Variants in NEBL observed in about 807,000 individuals in gnomAD.
NEBL encodes nebulette, also known as LIM and SH3 protein 2.
In NEBL, 122 loss-of-function variants were observed where a neutral mutation model predicts 140.2. The observed-to-expected ratio is 0.87, with a 90% CI of 0.75 to 1.01. The LOEUF is 1.01. Among genes scored for constraint, NEBL ranks in the 50% least tolerant of loss-of-function variants. The pLI is 0.00. For synonymous variants in NEBL, 436 were observed against 398.9 expected, an observed-to-expected ratio of 1.09 and a Z score of -1.11; for missense variants, 1,365 against 1,231.3, an observed-to-expected ratio of 1.11 and a Z score of -1.62.
intron 26 of NEBL, among the ~76,000 whole-genome samples, chr10:20,788,818 A>C (rs531330018): frequency 8.5e-5 from 13 of 152,332 alleles, no homozygotes; most frequent in African/African-American, 3.1e-4. Context: ...AAAAAGAATG[A>C]AATTCCCATA....
intron 11 of NEBL, among the ~76,000 whole-genome samples, chr10:20,847,646 G>C (rs1842072843): frequency 6.6e-6 from 1 of 152,088 alleles, no homozygotes. Flanking sequence ...AAAGGGGCAG[G>C]GGAGGAAACT....
chr10:20,912,789 G>C (rs1038990652), intron 4 of NEBL, among the ~76,000 whole-genome samples: 3 of 151,452 alleles, frequency 2.0e-5, no homozygotes, highest in Admixed American at 2.0e-4. Flanking sequence ...ATTTGAAGCT[G>C]TCTGCATTCT....
At chr10:21,088,975 T>G (rs1197550768) in intron 2 of NEBL, among the ~76,000 whole-genome samples, 1 of 151,914 alleles carries the variant, frequency 6.6e-6, no homozygotes, top group Admixed American at 6.6e-5. Context: ...GCAGCACAGG[T>G]GAAGCTCTAG....
At chr10:21,073,326 A>G (rs1835904104) in intron 2 of NEBL, among the ~76,000 whole-genome samples, 3 of 151,654 alleles carry the variant, frequency 2.0e-5, no homozygotes, top group Admixed American at 2.0e-4. Context: ...CTGTCTCAAA[A>G]AAAAAAAAAG....
chr10:21,286,840 GAA>G (rs1333179464), intron 1 of NEBL, among the ~76,000 whole-genome samples: 4 of 131,532 alleles, frequency 3.0e-5, no homozygotes, highest in Admixed American at 7.7e-5. Flanking sequence ...ATCCATCTCA[GAA>G]AAAAAAAAAA....
Position 20,952,904 on chromosome 10 carries a change from C to CAAAAAAAAAAAAAAAAAAAAAAAAAAAAA in NEBL, c.357+8767_357+8768insTTTTTTTTTTTTTTTTTTTTTTTTTTTTT, listed in dbSNP as rs34713711. ...TGGGTGACAGAGTGAGACCCTGTCTCAAAAAAAAAAAAAAAAAAAAAGAAA... is the reference window on the plus strand; with the variant it reads ...TGGGTGACAGAGTGAGACCCTGTCTCAAAAAAAAAAAAAAAAAAAAAAAAAAAAAAAAAAAAAAAAAAAAAAAAAAGAAA... On this transcript the variant is annotated intron_variant, in intron 4 of 6. Transcript: ENST00000417816. Among the ~76,000 whole-genome samples, 5 of 62,340 alleles carry CAAAAAAAAAAAAAAAAAAAAAAAAAAAAA rather than the reference C, an allele frequency of 8.0e-5. 1 individual carries two copies. Among genetic ancestry groups the CAAAAAAAAAAAAAAAAAAAAAAAAAAAAA allele is most frequent in the Admixed American group, 4.5e-4 (2 of 4,442 alleles). 40.9% of individuals were successfully genotyped at this position (62,340 alleles called of 152,430 possible).
chr10:20,869,124 T>G (rs1389294103), intron 6 of NEBL, among the ~76,000 whole-genome samples: 3 of 152,220 alleles, frequency 2.0e-5, no homozygotes, highest in African/African-American at 7.2e-5. Flanking sequence ...TCTCAGGAAC[T>G]GTTCTGGCCA....
In NEBL at chr10:21,173,668, C is replaced by A; in HGVS notation, c.69+97G>T. 2 of 1,586,936 alleles carry A rather than the reference C, an allele frequency of 1.3e-6. No homozygotes were observed. Among genetic ancestry groups the A allele is most frequent in the South Asian group, 2.2e-5 (2 of 89,928 alleles). ...CCAAGGCACACGCACACGCACCGACCCACTCATTGCTTTCCATCCCAGGTG... is the reference window on the plus strand; with the variant it reads ...CCAAGGCACACGCACACGCACCGACACACTCATTGCTTTCCATCCCAGGTG... On this transcript the variant is annotated intron_variant, in intron 1 of 6. Transcript: ENST00000417816. The surrounding 1 kb of genome is among the most constrained non-coding windows in gnomAD (Gnocchi z 5.7).
intron 9 of NEBL, among the ~76,000 whole-genome samples, chr10:20,853,803 T>C (rs1262468412): frequency 1.3e-5 from 2 of 151,892 alleles, no homozygotes; most frequent in African/African-American, 2.4e-5. Flanking sequence ...AGAGAATGAG[T>C]TTAAGATCTA....
At chr10:20,977,901 C>A (rs909665150) in intron 3 of NEBL, among the ~76,000 whole-genome samples, 9 of 152,150 alleles carry the variant, frequency 5.9e-5, no homozygotes, top group Non-Finnish European at 1.3e-4. Context: ...GCCTAACGTT[C>A]CTGCTCATCT....
At chr10:20,861,604 A>C (rs947906245) in intron 7 of NEBL, among the ~76,000 whole-genome samples, 2 of 152,206 alleles carry the variant, frequency 1.3e-5, no homozygotes, top group African/African-American at 4.8e-5. Flanking sequence ...ACTCTTCAAC[A>C]GCCTTCCGCT....
chr10:21,020,779 G>A (rs141982885), intron 2 of NEBL, among the ~76,000 whole-genome samples: 47 of 152,146 alleles, frequency 3.1e-4, no homozygotes, highest in Non-Finnish European at 5.9e-4. Flanking sequence ...TCCCTCTAGT[G>A]GTTCCTTCCC....
At chr10:21,093,009 T>C (rs1836993687) in intron 2 of NEBL, among the ~76,000 whole-genome samples, 1 of 152,204 alleles carries the variant, frequency 6.6e-6, no homozygotes, top group Admixed American at 6.5e-5. Context: ...GGGAACAGTT[T>C]ATGACAAGAG....
chr10:20,788,701 T>C (rs922330593), intron 26 of NEBL, among the ~76,000 whole-genome samples: 1 of 152,188 alleles, frequency 6.6e-6, no homozygotes, highest in Non-Finnish European at 1.5e-5. Context: ...AAAACATCAT[T>C]AAATATCAAA....
chr10:20,949,268 G>C (rs1157831982), intron 4 of NEBL, among the ~76,000 whole-genome samples: 2 of 152,092 alleles, frequency 1.3e-5, no homozygotes, highest in African/African-American at 4.8e-5. Flanking sequence ...GACACAGGGA[G>C]GGGAACATCA....
rs562661561 is a variant in NEBL, at chr10:20,845,448, A to G, written c.1117-80T>C. On this transcript the variant is annotated intron_variant, in intron 11 of 27. Transcript: ENST00000377122. ...AAGAGATTTGAACAAGAGTTCCCAG[A>G]ACAAAAATGATGTTTTCTTAGGTAG... 1.4e-5 allele frequency: 13 copies of G among 899,758 alleles called. No homozygotes were observed. The African/African-American group carries it at 2.0e-4, about 14-fold the overall frequency. The allele number at this position is 899,758 out of a possible 1,614,324, so 55.7% of individuals were successfully genotyped here.
Position 21,290,486 on chromosome 10 carries a change from A to G in NEBL, n.182+2344T>C, listed in dbSNP as rs535242265. On this transcript the variant is annotated intron_variant and non_coding_transcript_variant, in intron 1 of 8. Coordinates refer to the NEBL transcript ENST00000675702. Reference sequence around the variant, plus strand: ...ATTGAGGAAAACTTCTTCCAAAAAAAATACAATTGTCTTAATAGCCCCTTC... The same window carrying G: ...ATTGAGGAAAACTTCTTCCAAAAAAGATACAATTGTCTTAATAGCCCCTTC... Among the ~76,000 whole-genome samples the G allele has an allele frequency of 2.5e-3, 377 of 152,328 alleles. 2 individuals carry two copies. The highest frequency in any genetic ancestry group is 0.022 in the South Asian group (105 of 4,826).
chr10:20,805,534 C>G (rs1035116507), intron 26 of NEBL, among the ~76,000 whole-genome samples: 1 of 151,996 alleles, frequency 6.6e-6, no homozygotes, highest in South Asian at 2.1e-4. Context: ...CTGAGAACAA[C>G]AGAAATTTAT....
At chr10:21,040,501 G>A (rs1489656164) in intron 2 of NEBL, among the ~76,000 whole-genome samples, 2 of 152,108 alleles carry the variant, frequency 1.3e-5, no homozygotes, top group African/African-American at 4.8e-5. Flanking sequence ...AGGAGAAATA[G>A]AGGAGAGAAG....
Sources: gnomAD v4.1 joint callset for allele counts (sites outside exome capture counted in the v4.1 genomes callset) on GRCh38, gnomAD v4.1.1 for gene constraint, Gnocchi (gnomAD v3.1) non-coding constraint, MANE v1.5 for transcripts, NCBI Gene and HGNC (gene_info 2026-07-23, HGNC 2026-07-21) for gene names.